Variants in KAT6A observed in about 807,000 individuals in gnomAD.
KAT6A encodes the protein histone acetyltransferase KAT6A.
KAT6A carries 9 observed loss-of-function variants against 198.4 expected under a neutral mutation model. The observed-to-expected ratio is 0.05, with a 90% CI of 0.03 to 0.08. KAT6A has a LOEUF of 0.08. Ranked by LOEUF, KAT6A falls within the 10% of genes least tolerant of loss-of-function variation. The pLI is 1.00. For synonymous variants in KAT6A, 890 were observed against 883.0 expected (o/e 1.01, Z -0.14); for missense variants, 2,077 against 2,509.9 (o/e 0.83, Z 3.69).
At chr8:41,985,072 A>C (rs1171091084) in intron 3 of KAT6A, among the ~76,000 whole-genome samples, 2 of 152,038 alleles carry the variant, frequency 1.3e-5, no homozygotes, top group Non-Finnish European at 2.9e-5. Flanking sequence ...CCTCAAATAT[A>C]ATGCTACTTA....
At chr8:42,016,596 T>C (rs1468898559) in intron 2 of KAT6A, among the ~76,000 whole-genome samples, 3 of 152,088 alleles carry the variant, frequency 2.0e-5, no homozygotes, top group Non-Finnish European at 4.4e-5. Flanking sequence ...AACTGTAATA[T>C]CCATAAAATA....
intron 1 of KAT6A, among the ~76,000 whole-genome samples, chr8:42,049,904 A>G (rs1802514225): frequency 1.3e-5 from 2 of 152,354 alleles, no homozygotes; most frequent in South Asian, 4.1e-4. Flanking sequence ...CAAAAATACT[A>G]TTGAAAATAG....
chr8:41,947,350 A>T (rs901652338), intron 11 of KAT6A, among the ~76,000 whole-genome samples: 1 of 152,252 alleles, frequency 6.6e-6, no homozygotes, highest in African/African-American at 2.4e-5. Flanking sequence ...ATGGAAGATT[A>T]AAAAAGGAGA....
At chr8:42,008,337 A>C (rs952024487) in intron 2 of KAT6A, among the ~76,000 whole-genome samples, 7 of 152,018 alleles carry the variant, frequency 4.6e-5, no homozygotes, top group African/African-American at 1.7e-4. Flanking sequence ...CCTATCCTTA[A>C]GTAATATTTT....
chr8:42,023,815 CT>C (rs1053659463), intron 2 of KAT6A, among the ~76,000 whole-genome samples: 2 of 147,454 alleles, frequency 1.4e-5, no homozygotes, highest in African/African-American at 5.0e-5. Context: ...ATTCTACAAA[CT>C]TTTCTCTATC....
intron 15 of KAT6A, among the ~76,000 whole-genome samples, chr8:41,937,916 TAA>T (rs1234254713): frequency 6.6e-6 from 1 of 152,182 alleles, no homozygotes; most frequent in African/African-American, 2.4e-5. Flanking sequence ...TTTTCCAACT[TAA>T]GAGCAAAAGA....
chr8:42,014,889 C>T (rs997046872), intron 2 of KAT6A, among the ~76,000 whole-genome samples: 1 of 152,062 alleles, frequency 6.6e-6, no homozygotes, highest in Non-Finnish European at 1.5e-5. Flanking sequence ...TGAAATACTT[C>T]GGTACATGCA....
Position 41,949,363 on chromosome 8 carries a change from C to T in KAT6A, c.1599G>A (p.Arg533=). The T allele has an allele frequency of 6.7e-7, 1 of 1,496,632 alleles. No individual in the cohort carries two copies. The highest frequency in any genetic ancestry group is 8.9e-7 in the Non-Finnish European group (1 of 1,126,888). 92.7% of individuals were successfully genotyped at this position (1,496,632 alleles called of 1,614,324 possible). ...ATTCACAAAGATACAATTTGGGCAG[C>T]CTGTAAACGATAATTAAACAAAAAA... The part of the protein sequence containing the change: ...YSSPYPQEYS[R]LPKLYLCEFC... Residue 533 remains arginine, a splice_region_variant and synonymous_variant, in exon 10 of 17, where the codon AGG becomes AGA. Transcript: ENST00000265713.
chr8:42,018,346 T>C (rs1826367406), intron 2 of KAT6A, among the ~76,000 whole-genome samples: 1 of 151,964 alleles, frequency 6.6e-6, no homozygotes, highest in African/African-American at 2.4e-5. Context: ...ACCCAGTCTC[T>C]ACTAAAATAC....
chr8:42,020,976 G>A (rs901120698), intron 2 of KAT6A, among the ~76,000 whole-genome samples: 2 of 146,886 alleles, frequency 1.4e-5, no homozygotes, highest in Non-Finnish European at 3.0e-5. Flanking sequence ...ACTTAACAAT[G>A]GGGGGGGTAC....
In KAT6A at chr8:41,932,320, G is replaced by A; in HGVS notation, c.5900C>T (p.Pro1967Leu). Residue 1967 changes from proline (P) to leucine (L), a missense_variant, in exon 17 of 17, where the codon CCT becomes CTT. Physicochemically the swap from Pro to Leu is moderately conservative, Grantham distance 98. Transcript: ENST00000265713. ...GTTCCCATGAGGGTTAGGCTGCATA[G>A]GCTGCTGGGTATAGGCCTGGCTCCC... is the stretch of plus-strand genomic sequence containing the variant. Reference protein sequence around the residue: ...MMGSQAYTQQPMQPNPHGNMM... With the variant: ...MMGSQAYTQQLMQPNPHGNMM... The A allele has an allele frequency of 6.2e-7, 1 of 1,614,214 alleles. No individual in the cohort carries two copies. The highest frequency in any genetic ancestry group is 8.5e-7 in the Non-Finnish European group (1 of 1,180,042).
chr8:41,942,270 T>G (rs1822177455), intron 14 of KAT6A: 1 of 226,326 alleles, frequency 4.4e-6, no homozygotes, highest in Non-Finnish European at 8.8e-6. Context: ...CAATAGTTAC[T>G]TAATATTCTA....
rs1802690992 is a variant in KAT6A at position 42,051,956 on chromosome 8, C to T, written c.-381G>A. ...CCCGGGCCGGACCGCGGAGATGCCCCAAACTGACACGGCCGCCATCTTGGA... is the reference window on the plus strand; with the variant it reads ...CCCGGGCCGGACCGCGGAGATGCCCTAAACTGACACGGCCGCCATCTTGGA... On this transcript the variant is annotated 5_prime_UTR_variant, in exon 1 of 17. It introduces an in-frame stop codon into an upstream open reading frame of the 5' UTR. Coordinates refer to ENST00000265713, the MANE Select transcript of KAT6A (RefSeq NM_006766.5). The T allele has an allele frequency of 6.6e-6, 1 of 151,210 alleles. No homozygotes were observed. Among genetic ancestry groups the T allele is most frequent in the Admixed American group, 6.6e-5 (1 of 15,210 alleles). The allele number at this position is 151,210 out of a possible 1,614,324, so 9.4% of individuals were successfully genotyped here.
chr8:41,970,996 T>C (rs1438324951), intron 8 of KAT6A, among the ~76,000 whole-genome samples: 2 of 151,968 alleles, frequency 1.3e-5, no homozygotes, highest in Non-Finnish European at 2.9e-5. Context: ...CACCGCATGT[T>C]CTCACTCATA....
chr8:41,958,934 C>T (rs754274019), intron 8 of KAT6A, among the ~76,000 whole-genome samples: 4 of 151,966 alleles, frequency 2.6e-5, no homozygotes, highest in Non-Finnish European at 5.9e-5. Context: ...CTGAGGTGGG[C>T]GGATCACGAG....
chr8:42,003,361 A>G (rs1342611486), intron 2 of KAT6A, among the ~76,000 whole-genome samples: 1 of 152,064 alleles, frequency 6.6e-6, no homozygotes, highest in Non-Finnish European at 1.5e-5. Context: ...AGTCTTTGAA[A>G]GCAATCAGGC....
chr8:42,004,929 TAA>T (rs1438312857), intron 2 of KAT6A, among the ~76,000 whole-genome samples: 6 of 141,980 alleles, frequency 4.2e-5, no homozygotes, highest in Non-Finnish European at 6.2e-5. Flanking sequence ...ACTCCGTCTC[TAA>T]AAAAAAAAAA....
intron 4 of KAT6A, 99 bp downstream of exon 4, chr8:41,981,740 C>A: frequency 1.4e-6 from 1 of 734,514 alleles, no homozygotes; most frequent in Non-Finnish European, 2.5e-6. Context: ...GCTACTGGAC[C>A]AAGTGTCTGA....
At position 41,980,223 on chromosome 8, in the gene KAT6A, A is replaced by G. The variant is rs368080862; in HGVS notation, c.907+623T>C. ...TTAAAGAACCTATAAGCATATGAAT[A>G]TGGAAGTCCAACCATGAGGCAACTA... On this transcript the variant is annotated intron_variant, in intron 5 of 16. Transcript: ENST00000265713. Among the ~76,000 whole-genome samples the G allele has an allele frequency of 1.4e-4, 22 of 152,294 alleles. No homozygotes were observed. The East Asian group carries it at 3.9e-3, about 27-fold the overall frequency.
Sources: allele counts gnomAD v4.1 joint callset (sites outside exome capture counted in the v4.1 genomes callset), GRCh38; gene constraint gnomAD v4.1.1; transcripts MANE v1.5; gene names NCBI Gene and HGNC (gene_info 2026-07-23, HGNC 2026-07-21).